Variants in FOXJ1 observed in about 807,000 individuals in gnomAD.
The protein encoded by FOXJ1 is forkhead box protein J1.
Under a neutral mutation model 29.3 loss-of-function variants are expected in FOXJ1, and 8 were observed. The ratio of observed to expected loss-of-function variants is 0.27; its 90% CI spans 0.16 to 0.49. FOXJ1 has a LOEUF of 0.49. Ranked by LOEUF, FOXJ1 falls within the 20% of genes least tolerant of loss-of-function variation. FOXJ1 has a pLI of 0.98. For missense variants in FOXJ1, 539 were observed against 595.5 expected, an observed-to-expected ratio of 0.91 and a Z score of 0.99; for synonymous variants, 280 against 278.7, an observed-to-expected ratio of 1.00 and a Z score of -0.05.
At position 76,140,926 on chromosome 17, in the gene FOXJ1, A is replaced by T. The variant is rs951610316; in HGVS notation, c.-170+188T>A. Among the ~76,000 whole-genome samples the T allele has an allele frequency of 6.6e-5, 10 of 152,158 alleles. No individual in the cohort carries two copies. The highest frequency in any genetic ancestry group is 2.1e-4 in the South Asian group (1 of 4,816). The stretch of plus-strand genomic sequence containing the variant: ...GGAGGTCCTCTGATCCTTGAAAAGG[A>T]ATATTATGATAGGGGATCATTGGGA... On this transcript the variant is annotated intron_variant, in intron 1 of 2. Coordinates refer to ENST00000322957, the MANE Select transcript of FOXJ1 (RefSeq NM_001454.4). This position sits in a 1 kb window ranked among gnomAD's most constrained non-coding sequence, Gnocchi z 8.0.
rs2068489668 is a variant in FOXJ1 at position 76,137,881 on chromosome 17, C to G, written c.738G>C (p.Glu246Asp). ...CGAACTCCCGCAGCAGCTGCTGGGC[C>G]TCGGTATTCACCGTCAGCGGCCCGG... is the stretch of plus-strand genomic sequence containing the variant. ...PRAGPLTVNT[E>D]AQQLLREFEE... is the part of the protein sequence containing the mutation. Residue 246 changes from glutamate (E) to aspartate (D), a missense_variant, in exon 3 of 3, where the codon GAG (glutamate) becomes GAC (aspartate). By Grantham distance (45) the Glu-to-Asp change is conservative. Around this residue, in one of 3 missense-constraint regions of FOXJ1, gnomAD observed 302 missense variants for 293.6 expected, o/e 1.03. Coordinates refer to ENST00000322957, the MANE Select transcript of FOXJ1 (RefSeq NM_001454.4). The surrounding 1 kb of genome is among the most constrained non-coding windows in gnomAD (Gnocchi z 9.5). 1 of 1,580,264 alleles carries G rather than the reference C, an allele frequency of 6.3e-7. No homozygotes were observed. Among genetic ancestry groups the G allele is most frequent in the African/African-American group, 1.3e-5 (1 of 74,252 alleles).
rs181903512 is a variant in FOXJ1, at chr17:76,138,195, C to T, written c.499-75G>A. 4.0e-4 allele frequency: 582 copies of T among 1,470,864 alleles called. 3 individuals are homozygous for T. In the African/African-American group the frequency reaches 5.8e-3, roughly 15 times the overall value. 91.1% of individuals were successfully genotyped at this position (1,470,864 alleles called of 1,614,324 possible). On this transcript the variant is annotated intron_variant, in intron 2 of 2. Transcript: ENST00000322957. Reference sequence around the variant, plus strand: ...GACGGGGAGATGAAATGGCACCTGGCGCTGCTGCGCACCCCCCATCTTTTC... The same window carrying T: ...GACGGGGAGATGAAATGGCACCTGGTGCTGCTGCGCACCCCCCATCTTTTC...
Position 76,139,828 on chromosome 17 carries a change from T to C in FOXJ1, c.498+70A>G. 1 of 1,512,742 alleles carries C rather than the reference T, an allele frequency of 6.6e-7. No individual in the cohort carries two copies. Among genetic ancestry groups the C allele is most frequent in the Non-Finnish European group, 8.9e-7 (1 of 1,117,480 alleles). The allele number at this position is 1,512,742 out of a possible 1,614,324, so 93.7% of individuals were successfully genotyped here. On this transcript the variant is annotated intron_variant, in intron 2 of 2. Transcript: ENST00000322957. The surrounding 1 kb of genome is among the most constrained non-coding windows in gnomAD (Gnocchi z 6.6). ...CTACTTGGCCTGCAGATTTGGGATA[T>C]GAATCCAGTGCAGCGTGGGGAGCGA...
Position 76,137,929 on chromosome 17 carries a change from C to T in FOXJ1, c.690G>A (p.Gln230=), listed in dbSNP as rs1454165226. 1 of 1,572,438 alleles carries T rather than the reference C, an allele frequency of 6.4e-7. No individual in the cohort carries two copies. Among genetic ancestry groups the T allele is most frequent in the East Asian group, 2.3e-5 (1 of 43,508 alleles). ...IHPAFARQAA[Q]EPSAVPRAGP... is the part of the protein sequence containing the mutation. ...CGGCCCGGGGGACAGCGCTGGGCTC[C>T]TGCGCGGCCTGGCGGGCAAAGGCTG... Residue 230 remains glutamine (Q), a synonymous_variant, in exon 3 of 3, where the codon CAG becomes CAA. Coordinates refer to ENST00000322957, the MANE Select transcript of FOXJ1 (RefSeq NM_001454.4). This position sits in a 1 kb window ranked among gnomAD's most constrained non-coding sequence, Gnocchi z 9.5.
Position 76,140,529 on chromosome 17 carries a change from C to G in FOXJ1, c.-134G>C. The G allele has an allele frequency of 1.3e-6, 1 of 795,770 alleles. No homozygotes were observed. Among genetic ancestry groups the G allele is most frequent in the Non-Finnish European group, 1.8e-6 (1 of 547,260 alleles). The allele number at this position is 795,770 out of a possible 1,614,324, so 49.3% of individuals were successfully genotyped here. A position where few individuals can be genotyped will look rare whatever the true frequency, so the allele number is the denominator to read the frequency against. On this transcript the variant is annotated 5_prime_UTR_variant, in exon 2 of 3. Transcript: ENST00000322957. The surrounding 1 kb of genome is among the most constrained non-coding windows in gnomAD (Gnocchi z 8.0). ...CCGGACGCGCGCTTCCATCTCGCGA[C>G]CCCGGGGGCGCCTCCTCCGAATAAG... is the stretch of plus-strand genomic sequence containing the variant.
chr17:76,138,499 C>T (rs978444776), intron 2 of FOXJ1, among the ~76,000 whole-genome samples: 3 of 152,170 alleles, frequency 2.0e-5, no homozygotes, highest in African/African-American at 7.2e-5. Context: ...CTCCCTTTGC[C>T]TGGGCCTGGC....
rs1489117289 is a variant in FOXJ1, at chr17:76,139,762, T to C, written c.498+136A>G. The C allele has an allele frequency of 5.6e-6, 5 of 891,720 alleles. No individual in the cohort carries two copies. The East Asian group carries it at 1.1e-4, about 19-fold the overall frequency. The allele number at this position is 891,720 out of a possible 1,614,324, so 55.2% of individuals were successfully genotyped here. ...GGGCAGTTGCAAGAACTGGGCTCCT[T>C]TGCAGGGCTCCCTTCTGGGGCGCTG... On this transcript the variant is annotated intron_variant, in intron 2 of 2. Transcript: ENST00000322957. The surrounding 1 kb of genome is among the most constrained non-coding windows in gnomAD (Gnocchi z 6.6).
intron 2 of FOXJ1, among the ~76,000 whole-genome samples, chr17:76,138,872 C>T (rs552292773): frequency 1.3e-4 from 20 of 152,294 alleles, no homozygotes; most frequent in East Asian, 5.8e-4. Flanking sequence ...CTTGGGACTG[C>T]GGTCCTGTGG....
In FOXJ1 at chr17:76,139,359, T is replaced by C. The variant is rs926650270; in HGVS notation, c.498+539A>G. On this transcript the variant is annotated intron_variant, in intron 2 of 2. Coordinates refer to ENST00000322957, the MANE Select transcript of FOXJ1 (RefSeq NM_001454.4). The surrounding 1 kb of genome is among the most constrained non-coding windows in gnomAD (Gnocchi z 6.6). The stretch of plus-strand genomic sequence containing the variant: ...GGCCCCTTACCCCCTCCACCCTCCA[T>C]TGGGACACACCTGGCCCTCACATGC... 3.3e-5 allele frequency among the ~76,000 whole-genome samples: 5 copies of C among 152,130 alleles called. No homozygotes were observed. The highest frequency in any genetic ancestry group is 9.7e-5 in the African/African-American group (4 of 41,424).
chr17:76,140,346 G>T lies in FOXJ1; in HGVS notation c.50C>A (p.Ala17Asp). ...RLSGAGPAEE[A>D]GPEGGLEEPD... ...CTCCTCCAGGCCGCCCTCCGGCCCGGCCTCCTCCGCCGGCCCGGCTCCCGA... is the reference window on the plus strand; with the variant it reads ...CTCCTCCAGGCCGCCCTCCGGCCCGTCCTCCTCCGCCGGCCCGGCTCCCGA... The change falls in exon 2 of 3, where the codon GCC becomes GAC. Residue 17 changes from alanine (A) to aspartate (D), a missense_variant. Physicochemically the swap from Ala to Asp is moderately radical, Grantham distance 126. This residue lies in a region of FOXJ1 where 59 missense variants were observed against 47.5 expected (regional missense o/e 1.24). Transcript: ENST00000322957. The surrounding 1 kb of genome is among the most constrained non-coding windows in gnomAD (Gnocchi z 8.0). 2 of 1,496,838 alleles carry T rather than the reference G, an allele frequency of 1.3e-6. No individual in the cohort carries two copies. The highest frequency in any genetic ancestry group is 1.8e-6 in the Non-Finnish European group (2 of 1,129,710). The allele number at this position is 1,496,838 out of a possible 1,614,324, so 92.7% of individuals were successfully genotyped here. A position where few individuals can be genotyped will look rare whatever the true frequency, so the allele number is the denominator to read the frequency against.
Position 76,140,398 on chromosome 17 carries a change from C to G in FOXJ1, c.-3G>C. On this transcript the variant is annotated 5_prime_UTR_variant, in exon 2 of 3. Coordinates refer to ENST00000322957, the MANE Select transcript of FOXJ1 (RefSeq NM_001454.4). The surrounding 1 kb of genome is among the most constrained non-coding windows in gnomAD (Gnocchi z 8.0). ...AGGCGCAGCCAGCTCTCCGCCATGTCTGCGGGGACTCTCCGAGGGGGCGGT... is the reference window on the plus strand; with the variant it reads ...AGGCGCAGCCAGCTCTCCGCCATGTGTGCGGGGACTCTCCGAGGGGGCGGT... 1 of 1,452,716 alleles carries G rather than the reference C, an allele frequency of 6.9e-7. No homozygotes were observed. The highest frequency in any genetic ancestry group is 9.0e-7 in the Non-Finnish European group (1 of 1,113,052). 90.0% of individuals were successfully genotyped at this position (1,452,716 alleles called of 1,614,324 possible).
In FOXJ1 at chr17:76,136,607, A is replaced by C. The variant is rs1053506210; in HGVS notation, c.*746T>G. The C allele has an allele frequency of 2.6e-5, 4 of 152,262 alleles. No individual in the cohort carries two copies. The highest frequency in any genetic ancestry group is 9.7e-5 in the African/African-American group (4 of 41,392). The allele number at this position is 152,262 out of a possible 1,614,324, so 9.4% of individuals were successfully genotyped here. A position where few individuals can be genotyped will look rare whatever the true frequency, so the allele number is the denominator to read the frequency against. ...TACATTAGTCTGTCTGTCCTGCCCC[A>C]TACAGCTTGGCTGCCCCGGCCCCCA... On this transcript the variant is annotated 3_prime_UTR_variant, in exon 3 of 3. Coordinates refer to ENST00000322957, the MANE Select transcript of FOXJ1 (RefSeq NM_001454.4). This position sits in a 1 kb window ranked among gnomAD's most constrained non-coding sequence, Gnocchi z 4.9.
At chr17:76,138,207 C>A (rs921282228) in intron 2 of FOXJ1, 87 bp from the exon 3 acceptor site, 1 of 1,393,512 alleles carries the variant, frequency 7.2e-7, no homozygotes, top group Admixed American at 1.9e-5. Flanking sequence ...CTGCTGCGCA[C>A]CCCCCATCTT....
Position 76,139,046 on chromosome 17 carries a change from T to C in FOXJ1, c.498+852A>G, listed in dbSNP as rs2068498735. Among the ~76,000 whole-genome samples the C allele has an allele frequency of 6.6e-6, 1 of 152,146 alleles. No individual in the cohort carries two copies. Among genetic ancestry groups the C allele is most frequent in the Non-Finnish European group, 1.5e-5 (1 of 68,026 alleles). On this transcript the variant is annotated intron_variant, in intron 2 of 2. Transcript: ENST00000322957. This position sits in a 1 kb window ranked among gnomAD's most constrained non-coding sequence, Gnocchi z 6.6. ...GTCCATTCTTAGGTGCTTAATCTTGTCCAAAGCCTGCTGGGGGACAGGGGT... is the reference window on the plus strand; with the variant it reads ...GTCCATTCTTAGGTGCTTAATCTTGCCCAAAGCCTGCTGGGGGACAGGGGT...
Position 76,140,768 on chromosome 17 carries a change from A to C in FOXJ1, c.-169-204T>G. On this transcript the variant is annotated intron_variant, in intron 1 of 2. Coordinates refer to ENST00000322957, the MANE Select transcript of FOXJ1 (RefSeq NM_001454.4). The surrounding 1 kb of genome is among the most constrained non-coding windows in gnomAD (Gnocchi z 8.0). ...TTCCTCTTCGAGGTTTTATTAGCCAAATGAAGAGGGTAGGGGCATCCGAGG... is the reference window on the plus strand; with the variant it reads ...TTCCTCTTCGAGGTTTTATTAGCCACATGAAGAGGGTAGGGGCATCCGAGG... 4.9e-6 allele frequency: 1 copy of C among 204,610 alleles called. No homozygotes were observed. The highest frequency in any genetic ancestry group is 9.7e-6 in the Non-Finnish European group (1 of 102,636). 12.7% of individuals were successfully genotyped at this position (204,610 alleles called of 1,614,324 possible).
chr17:76,138,927 G>A lies in FOXJ1; in HGVS notation c.499-807C>T, dbSNP rs1375073199. Reference sequence around the variant, plus strand: ...TCAGGGAAGAGTCTGGGCGTCCTTGGGGGGCCCCTGACTCCAACTAGCCCT... The same window carrying A: ...TCAGGGAAGAGTCTGGGCGTCCTTGAGGGGCCCCTGACTCCAACTAGCCCT... On this transcript the variant is annotated intron_variant, in intron 2 of 2. Coordinates refer to ENST00000322957, the MANE Select transcript of FOXJ1 (RefSeq NM_001454.4). Among the ~76,000 whole-genome samples the A allele has an allele frequency of 2.6e-5, 4 of 152,248 alleles. No homozygotes were observed. The East Asian group carries it at 5.8e-4, about 22-fold the overall frequency.
At position 76,137,817 on chromosome 17, in the gene FOXJ1, C is replaced by T; in HGVS notation, c.802G>A (p.Gly268Ser). ...TGTTTGCGCTTATGCCCCAGCCTGC[C>T]CTCGCCTGCACCCCAGCCCGCCTCC... ...TGEAGWGAGE[G>S]RLGHKRKQPL... The change falls in exon 3 of 3, where the codon GGC becomes AGC. Residue 268 changes from glycine (G) to serine (S), a missense_variant. Physicochemically the swap from Gly to Ser is moderately conservative, Grantham distance 56 (BLOSUM62 0). Transcript: ENST00000322957. This position sits in a 1 kb window ranked among gnomAD's most constrained non-coding sequence, Gnocchi z 9.5. The T allele has an allele frequency of 6.3e-7, 1 of 1,599,408 alleles. No individual in the cohort carries two copies. Among genetic ancestry groups the T allele is most frequent in the Non-Finnish European group, 8.5e-7 (1 of 1,173,654 alleles).
In FOXJ1 at chr17:76,140,341, GC is replaced by G; in HGVS notation, c.54del (p.Pro19ArgfsTer15). 1 of 1,498,930 alleles carries G rather than the reference GC, an allele frequency of 6.7e-7. No homozygotes were observed. Among genetic ancestry groups the G allele is most frequent in the Non-Finnish European group, 8.8e-7 (1 of 1,130,876 alleles). The allele number at this position is 1,498,930 out of a possible 1,614,324, so 92.9% of individuals were successfully genotyped here. Reference protein sequence around the residue: ...LSGAGPAEEAGPEGGLEEPDA... With the variant: ...LSGAGPAEEAXPEGGLEEPDA... ...TCGGGCTCCTCCAGGCCGCCCTCCG[GC>G]CCGGCCTCCTCCGCCGGCCCGGCTC... On this transcript the variant is annotated frameshift_variant, in exon 2 of 3. Transcript: ENST00000322957. LOFTEE classifies it high-confidence loss of function. The surrounding 1 kb of genome is among the most constrained non-coding windows in gnomAD (Gnocchi z 8.0).
In FOXJ1 at chr17:76,139,817, G is replaced by T; in HGVS notation, c.498+81C>A. The T allele has an allele frequency of 6.7e-7, 1 of 1,484,750 alleles. No individual in the cohort carries two copies. The highest frequency in any genetic ancestry group is 9.1e-7 in the Non-Finnish European group (1 of 1,095,182). 92.0% of individuals were successfully genotyped at this position (1,484,750 alleles called of 1,614,324 possible). ...CACCGCAGAGCCTACTTGGCCTGCA[G>T]ATTTGGGATATGAATCCAGTGCAGC... On this transcript the variant is annotated intron_variant, in intron 2 of 2. Transcript: ENST00000322957. This position sits in a 1 kb window ranked among gnomAD's most constrained non-coding sequence, Gnocchi z 6.6.
Sources: gnomAD v4.1 joint callset for allele counts (sites outside exome capture counted in the v4.1 genomes callset) on GRCh38, gnomAD v4.1.1 for gene constraint, gnomAD v4.1.1 regional missense constraint, Gnocchi (gnomAD v3.1) non-coding constraint, MANE v1.5 for transcripts, NCBI Gene and HGNC (gene_info 2026-07-23, HGNC 2026-07-21) for gene names.